The following SEMA6A variants were observed in gnomAD, a reference collection of about 807,000 sequenced individuals.
The protein encoded by SEMA6A is semaphorin 6A.
SEMA6A carries 25 observed loss-of-function variants against 96.8 expected under a neutral mutation model. The observed-to-expected ratio is 0.26, with a 90% CI of 0.19 to 0.36. The LOEUF is 0.36. Ranked by LOEUF, SEMA6A falls within the 10% of genes least tolerant of loss-of-function variation. The probability of loss-of-function intolerance (pLI) is 1.00; values close to 1 mark genes in which losing one functional copy is unlikely to be tolerated. For synonymous variants in SEMA6A, 612 were observed against 518.0 expected, an observed-to-expected ratio of 1.18 and a Z score of -2.46; for missense variants, 1,363 against 1,323.1, an observed-to-expected ratio of 1.03 and a Z score of -0.47.
chr5:116,491,949 C>A (rs1389948176), intron 6 of SEMA6A, 119 bp from the exon 7 acceptor site: 2 of 770,698 alleles, frequency 2.6e-6, no homozygotes, highest in Middle Eastern at 3.3e-4. Flanking sequence ...TTGAGATGGA[C>A]CCTGTTGAAG....
At chr5:116,529,048 G>A (rs1759351714) in intron 1 of SEMA6A, among the ~76,000 whole-genome samples, 1 of 152,168 alleles carries the variant, frequency 6.6e-6, no homozygotes, top group Admixed American at 6.6e-5. Flanking sequence ...TGGACATTCA[G>A]ACAGTCTCTA....
intron 1 of SEMA6A, 33 bp from the exon 2 acceptor site, chr5:116,505,015 A>G (rs1436137705): frequency 2.7e-6 from 3 of 1,112,144 alleles, no homozygotes; most frequent in Non-Finnish European, 4.0e-6. Flanking sequence ...TTTTTTTCCA[A>G]GTCAGCTTTG....
chr5:116,459,528 C>A (rs1435982392), intron 18 of SEMA6A, among the ~76,000 whole-genome samples: 1 of 152,142 alleles, frequency 6.6e-6, no homozygotes. Context: ...GTCGTCCATA[C>A]ACTTAGTCAC....
At position 116,495,422 on chromosome 5, in the gene SEMA6A, T is replaced by C; in HGVS notation, c.435A>G (p.Arg145=). 6.2e-7 allele frequency: 1 copy of C among 1,608,180 alleles called. No individual in the cohort carries two copies. The highest frequency in any genetic ancestry group is 8.5e-7 in the Non-Finnish European group (1 of 1,176,788). The change falls in exon 6 of 19, where the codon AGA becomes AGG. Residue 145 remains arginine (R), a synonymous_variant. Transcript: ENST00000343348. ...GACAAATAGCATTTACCTTATAGTT[T>C]CTGCAGGAAGGGTTGAAGGCATTAG... ...CGTNAFNPSC[R]NYKMDTLEPF...
intron 1 of SEMA6A, among the ~76,000 whole-genome samples, chr5:116,555,436 C>A (rs116528003): frequency 6.6e-6 from 1 of 152,294 alleles, no homozygotes; most frequent in South Asian, 2.1e-4. Context: ...CCCCATGACT[C>A]AATCTGAAAA....
At chr5:116,537,048 G>A (rs958081534) in intron 1 of SEMA6A, among the ~76,000 whole-genome samples, 1 of 152,028 alleles carries the variant, frequency 6.6e-6, no homozygotes, top group African/African-American at 2.4e-5. Flanking sequence ...CATAATAAGA[G>A]CAGCCTGGTA....
chr5:116,475,677 C>G, intron 15 of SEMA6A, 74 bp from the exon 16 acceptor site: 1 of 1,061,826 alleles, frequency 9.4e-7, no homozygotes, highest in Non-Finnish European at 1.4e-6. Context: ...AGTCAAGCTT[C>G]ACTAAAGACA....
At chr5:116,477,123 C>G (rs1199071500) in intron 15 of SEMA6A, among the ~76,000 whole-genome samples, 1 of 152,184 alleles carries the variant, frequency 6.6e-6, no homozygotes, top group Non-Finnish European at 1.5e-5. Flanking sequence ...CCTGCCACAA[C>G]CCATCAAAGA....
At chr5:116,552,525 T>G (rs1760457557) in intron 1 of SEMA6A, among the ~76,000 whole-genome samples, 1 of 152,146 alleles carries the variant, frequency 6.6e-6, no homozygotes, top group African/African-American at 2.4e-5. Context: ...TACTCCGGGT[T>G]CATTAAAGGG....
intron 1 of SEMA6A, among the ~76,000 whole-genome samples, chr5:116,564,936 C>T (rs1024527018): frequency 1.3e-5 from 2 of 152,170 alleles, no homozygotes; most frequent in Non-Finnish European, 2.9e-5. Flanking sequence ...TAACACACGG[C>T]ACACAGCAAT....
intron 1 of SEMA6A, among the ~76,000 whole-genome samples, chr5:116,517,284 A>G (rs557977839): frequency 6.9e-6 from 1 of 145,116 alleles, no homozygotes; most frequent in South Asian, 2.3e-4. Context: ...TCCAAAATCT[A>G]AAAAATTTCA....
intron 3 of SEMA6A, chr5:116,498,345 C>T (rs986748683): frequency 1.4e-4 from 21 of 152,046 alleles, no homozygotes; most frequent in African/African-American, 5.1e-4. Context: ...TAAGTCCCCT[C>T]GTTACTTAAA....
chr5:116,511,652 A>G (rs1218228581), intron 1 of SEMA6A, among the ~76,000 whole-genome samples: 1 of 152,244 alleles, frequency 6.6e-6, no homozygotes, highest in Non-Finnish European at 1.5e-5. Flanking sequence ...GGGAGTACAC[A>G]GTTGCTCCCA....
chr5:116,524,788 A>G (rs189974361), intron 1 of SEMA6A, among the ~76,000 whole-genome samples: 1,898 of 150,162 alleles, frequency 0.013, 46 homozygotes, highest in African/African-American at 0.045. Context: ...ACACACACAC[A>G]GACACACACA....
chr5:116,573,291 C>T (rs1277637389), intron 1 of SEMA6A, among the ~76,000 whole-genome samples: 1 of 152,154 alleles, frequency 6.6e-6, no homozygotes, highest in Non-Finnish European at 1.5e-5. Context: ...CCAGGTCTCT[C>T]ACCCTTCCCC....
At chr5:116,495,340 G>A (rs1486996834) in intron 6 of SEMA6A, 73 bp downstream of exon 6, 1 of 1,074,700 alleles carries the variant, frequency 9.3e-7, no homozygotes, top group Non-Finnish European at 1.4e-6. Flanking sequence ...CTCTTAGGTT[G>A]CTGCAGGTAC....
intron 15 of SEMA6A, 136 bp downstream of exon 15, chr5:116,477,710 G>T: frequency 1.2e-6 from 1 of 807,770 alleles, no homozygotes; most frequent in East Asian, 2.5e-5. Context: ...AAGGGTAGGA[G>T]AAAGGCTGAC....
At chr5:116,496,185 G>C in intron 5 of SEMA6A, 66 bp downstream of exon 5, 1 of 1,306,390 alleles carries the variant, frequency 7.7e-7, no homozygotes, top group Non-Finnish European at 1.1e-6. Flanking sequence ...CACGGTCTAT[G>C]GCTGGAGATA....
At chr5:116,464,260 T>C (rs1755591493) in intron 18 of SEMA6A, among the ~76,000 whole-genome samples, 1 of 152,172 alleles carries the variant, frequency 6.6e-6, no homozygotes, top group Admixed American at 6.5e-5. Context: ...ATCTCATTTA[T>C]CAACTTGGTG....
Sources: allele counts gnomAD v4.1 joint callset (sites outside exome capture counted in the v4.1 genomes callset), GRCh38; gene constraint gnomAD v4.1.1; transcripts MANE v1.5; gene names NCBI Gene and HGNC (gene_info 2026-07-23, HGNC 2026-07-21).